Variants in DAPK1 observed in about 807,000 individuals in gnomAD.
DAPK1 encodes the protein death-associated protein kinase 1.
In DAPK1, 56 loss-of-function variants were observed where a neutral mutation model predicts 144.9. That is an observed-to-expected ratio of 0.39 (90% confidence interval 0.31 to 0.48). The LOEUF (loss-of-function observed/expected upper bound fraction) is 0.48, where lower values mean the gene tolerates loss of function less well. Among genes scored for constraint, DAPK1 ranks in the 20% least tolerant of loss-of-function variants. The probability of loss-of-function intolerance (pLI) is 0.95; values close to 1 mark genes in which losing one functional copy is unlikely to be tolerated. For missense variants in DAPK1, 1,454 were observed against 1,875.4 expected (o/e 0.78, Z 4.15); for synonymous variants, 690 against 749.0 (o/e 0.92, Z 1.29).
chr9:87,521,488 A>C (rs1825296442), intron 2 of DAPK1, among the ~76,000 whole-genome samples: 1 of 152,202 alleles, frequency 6.6e-6, no homozygotes, highest in African/African-American at 2.4e-5. Flanking sequence ...TTATCCCATG[A>C]GGACAAGGTC....
intron 21 of DAPK1, among the ~76,000 whole-genome samples, chr9:87,687,790 CATT>C (rs1235900034): frequency 1.4e-5 from 2 of 141,178 alleles, no homozygotes; most frequent in African/African-American, 5.3e-5. Context: ...TTCTCTGCAT[CATT>C]GCCAGCTTCT....
chr9:87,641,660 A>G (rs531388364), intron 9 of DAPK1, among the ~76,000 whole-genome samples: 4 of 152,174 alleles, frequency 2.6e-5, no homozygotes, highest in South Asian at 2.1e-4. Flanking sequence ...CCCAAGTTCA[A>G]ATGCCTCATA....
intron 2 of DAPK1, among the ~76,000 whole-genome samples, chr9:87,562,707 C>A (rs1407647724): frequency 6.6e-6 from 1 of 152,248 alleles, no homozygotes; most frequent in Non-Finnish European, 1.5e-5. Flanking sequence ...ACCTGACATA[C>A]TGTTTTGCTT....
intron 18 of DAPK1, among the ~76,000 whole-genome samples, chr9:87,661,037 A>G (rs758981909): frequency 1.2e-4 from 18 of 152,086 alleles, no homozygotes; most frequent in Non-Finnish European, 2.2e-4. Flanking sequence ...ACGGGGTTTC[A>G]CCATGTTGGC....
At chr9:87,670,236 T>C (rs1038310101) in intron 19 of DAPK1, among the ~76,000 whole-genome samples, 1 of 151,870 alleles carries the variant, frequency 6.6e-6, no homozygotes, top group Non-Finnish European at 1.5e-5. Context: ...AATGAGCCTT[T>C]TCATAGAGTT....
chr9:87,567,249 G>T (rs940784643), intron 2 of DAPK1, among the ~76,000 whole-genome samples: 6 of 152,186 alleles, frequency 3.9e-5, no homozygotes, highest in African/African-American at 1.4e-4. Context: ...TCTCGAATAT[G>T]TACTCAAATG....
At chr9:87,662,153 C>G (rs1049243167) in intron 18 of DAPK1, among the ~76,000 whole-genome samples, 1 of 152,104 alleles carries the variant, frequency 6.6e-6, no homozygotes, top group Admixed American at 6.5e-5. Flanking sequence ...CTATATGTTT[C>G]TGGGTTCCCT....
At chr9:87,505,762 T>C (rs1824563618) in intron 2 of DAPK1, among the ~76,000 whole-genome samples, 2 of 152,206 alleles carry the variant, frequency 1.3e-5, no homozygotes, top group Admixed American at 6.5e-5. Flanking sequence ...CGATCTTGGC[T>C]CACTGCAACC....
At chr9:87,682,278 G>A (rs878884791) in intron 20 of DAPK1, among the ~76,000 whole-genome samples, 1 of 152,154 alleles carries the variant, frequency 6.6e-6, no homozygotes, top group Non-Finnish European at 1.5e-5. Flanking sequence ...TTCACATTAG[G>A]GGGCTGTCAC....
intron 3 of DAPK1, among the ~76,000 whole-genome samples, chr9:87,628,845 A>G (rs933894054): frequency 1.3e-5 from 2 of 152,202 alleles, no homozygotes; most frequent in Non-Finnish European, 2.9e-5. Flanking sequence ...TTATAGTAGT[A>G]CATGAATGAG....
intron 19 of DAPK1, among the ~76,000 whole-genome samples, chr9:87,676,780 G>A (rs139779841): frequency 2.0e-5 from 3 of 152,308 alleles, no homozygotes; most frequent in African/African-American, 4.8e-5. Flanking sequence ...AGTGCCTTCC[G>A]AGTGGGATGC....
intron 19 of DAPK1, among the ~76,000 whole-genome samples, chr9:87,676,206 G>A (rs3118851): frequency 0.32 from 48,542 of 152,156 alleles, 7,898 homozygotes; most frequent in African/African-American, 0.38. Flanking sequence ...CCTGGGCTTC[G>A]TGCCAGCCAG....
intron 19 of DAPK1, among the ~76,000 whole-genome samples, chr9:87,675,566 G>A (rs932189986): frequency 6.6e-6 from 1 of 152,088 alleles, no homozygotes; most frequent in African/African-American, 2.4e-5. Context: ...CAGCGGGTGA[G>A]GAGTTTGGGT....
intron 3 of DAPK1, among the ~76,000 whole-genome samples, chr9:87,635,800 G>A (rs1031975105): frequency 5.3e-5 from 8 of 152,264 alleles, no homozygotes; most frequent in African/African-American, 9.6e-5. Context: ...CAGGGTGAGC[G>A]CGTGGCAGAA....
At chr9:87,664,472 A>G (rs1450441561) in intron 18 of DAPK1, among the ~76,000 whole-genome samples, 1 of 151,694 alleles carries the variant, frequency 6.6e-6, no homozygotes, top group Non-Finnish European at 1.5e-5. Context: ...TTCGGGGAAG[A>G]CTCCGTGGCA....
chr9:87,544,093 A>G (rs1275866711), intron 2 of DAPK1, among the ~76,000 whole-genome samples: 1 of 152,238 alleles, frequency 6.6e-6, no homozygotes, highest in Non-Finnish European at 1.5e-5. Context: ...CAAATTATAC[A>G]AGCAACATAA....
rs544072970 is a variant in DAPK1, at chr9:87,653,366, G to A, written c.1824+1642G>A. On this transcript the variant is annotated intron_variant, in intron 17 of 25. Transcript: ENST00000408954. ...AAGTGAATATTACTTATATGGACAT[G>A]TACTTTTTTATAGCGTTTTGCCATC... Among the ~76,000 whole-genome samples, 55 of 152,368 alleles carry A rather than the reference G, an allele frequency of 3.6e-4. 1 individual carries two copies. The Middle Eastern group carries it at 0.014, about 38-fold the overall frequency.
rs1831140164 is a variant in DAPK1, at chr9:87,668,604, A to G, written c.1931A>G (p.Lys644Arg). 2.1e-6 allele frequency: 3 copies of G among 1,414,914 alleles called. No homozygotes were observed. The highest frequency in any genetic ancestry group is 3.0e-6 in the Non-Finnish European group (3 of 997,926). The allele number at this position is 1,414,914 out of a possible 1,614,324, so 87.6% of individuals were successfully genotyped here. Residue 644 changes from lysine (K) to arginine (R), a missense_variant, in exon 19 of 26, where the codon AAG (lysine) becomes AGG (arginine). Lys to Arg is a conservative substitution (Grantham distance 26). Around this residue, in one of 2 missense-constraint regions of DAPK1, gnomAD observed 1,025 missense variants for 1,237.9 expected, o/e 0.83. Coordinates refer to ENST00000408954, the MANE Select transcript of DAPK1 (RefSeq NM_004938.4). ...TGCATTTTTCTCCAACAGGACGGAA[A>G]GACGGCAGAAGATCTTGCTAGATCG... ...ASVEALTTDG[K>R]TAEDLARSEQ...
chr9:87,643,240 A>T, intron 10 of DAPK1, 136 bp from the exon 11 acceptor site: 1 of 585,252 alleles, frequency 1.7e-6, no homozygotes, highest in East Asian at 2.8e-5. Context: ...GTGTGTGCTG[A>T]TAGCAATGAA....
Sources: gnomAD v4.1 joint callset for allele counts (sites outside exome capture counted in the v4.1 genomes callset) on GRCh38, gnomAD v4.1.1 for gene constraint, gnomAD v4.1.1 regional missense constraint, MANE v1.5 for transcripts, NCBI Gene and HGNC (gene_info 2026-07-23, HGNC 2026-07-21) for gene names.